The following DDX42 variants were observed in gnomAD, a reference collection of about 807,000 sequenced individuals.
DDX42 encodes ATP-dependent RNA helicase DDX42.
In DDX42, 22 loss-of-function variants were observed where a neutral mutation model predicts 101.5. The observed-to-expected ratio is 0.22, with a 90% CI of 0.15 to 0.31. DDX42 has a LOEUF of 0.31. Ranked by LOEUF, DDX42 falls within the 10% of genes least tolerant of loss-of-function variation. The pLI, the probability that DDX42 is intolerant of heterozygous loss-of-function variation, is 1.00. For missense variants in DDX42, 849 were observed against 1,199.9 expected, an observed-to-expected ratio of 0.71 and a Z score of 4.32; for synonymous variants, 402 against 401.2, an observed-to-expected ratio of 1.00 and a Z score of -0.02.
intron 1 of DDX42, among the ~76,000 whole-genome samples, chr17:63,783,754 A>C (rs750074976): frequency 6.6e-6 from 1 of 152,144 alleles, no homozygotes; most frequent in Non-Finnish European, 1.5e-5. Flanking sequence ...AGATTGATGT[A>C]GTGTAATTCA....
At chr17:63,796,299 T>C (rs1275414725) in intron 3 of DDX42, among the ~76,000 whole-genome samples, 1 of 152,206 alleles carries the variant, frequency 6.6e-6, no homozygotes, top group Non-Finnish European at 1.5e-5. Context: ...TAAATTCTTT[T>C]GCTTGGCCTT....
intron 15 of DDX42, among the ~76,000 whole-genome samples, chr17:63,814,592 C>T (rs1022904263): frequency 4.0e-5 from 6 of 151,826 alleles, no homozygotes; most frequent in African/African-American, 1.5e-4. Flanking sequence ...TTGTCCAAGC[C>T]TGCTGCCCTA....
chr17:63,807,384 G>A (rs2039855659), intron 8 of DDX42, among the ~76,000 whole-genome samples: 1 of 152,094 alleles, frequency 6.6e-6, no homozygotes, highest in African/African-American at 2.4e-5. Flanking sequence ...CAGGGAACCT[G>A]CCCACCTCGG....
chr17:63,812,993 C>A (rs770839905), intron 14 of DDX42, among the ~76,000 whole-genome samples: 1 of 152,140 alleles, frequency 6.6e-6, no homozygotes, highest in Non-Finnish European at 1.5e-5. Context: ...GCACTGCACT[C>A]CCGTCTGGCA....
chr17:63,816,938 G>T lies in DDX42; in HGVS notation c.2084G>T (p.Arg695Leu). 6.2e-7 allele frequency: 1 copy of T among 1,613,896 alleles called. No homozygotes were observed. The highest frequency in any genetic ancestry group is 8.5e-7 in the Non-Finnish European group (1 of 1,179,940). ...CCTTCCACAGGAGCTATGGGAGATC[G>T]ACTAACGGCAATGAAAGCAGCTTTC... ...YKPSTGAMGDRLTAMKAAFQS... is the reference protein window; with the variant it reads ...YKPSTGAMGDLLTAMKAAFQS... Residue 695 changes from arginine to leucine, a missense_variant, in exon 17 of 18, where the codon CGA (arginine) becomes CTA (leucine). Physicochemically the swap from Arg to Leu is moderately radical, Grantham distance 102 (BLOSUM62 -2). This residue lies in a region of DDX42 where 86 missense variants were observed against 160.8 expected (regional missense o/e 0.53). Transcript: ENST00000389924.
chr17:63,778,959 G>A (rs1038077777), intron 1 of DDX42, among the ~76,000 whole-genome samples: 2 of 147,916 alleles, frequency 1.4e-5, no homozygotes, highest in African/African-American at 2.7e-5. Flanking sequence ...ATGGAAAGGC[G>A]GGTATACGTG....
rs142666932 is a variant in DDX42 at position 63,815,609 on chromosome 17, A to G, written c.1949A>G (p.Lys650Arg). 2.5e-6 allele frequency: 4 copies of G among 1,613,922 alleles called. No homozygotes were observed. The highest frequency in any genetic ancestry group is 2.2e-5 in the East Asian group (1 of 44,886). The change falls in exon 16 of 18, where the codon AAG becomes AGG. Residue 650 changes from lysine (K) to arginine (R), a missense_variant. By Grantham distance (26) the Lys-to-Arg change is conservative (BLOSUM62 2). Coordinates refer to ENST00000389924, the MANE Select transcript of DDX42 (RefSeq NM_203499.3). ...KSRFKGGKGK[K>R]LNIGGGGLGY... is the part of the protein sequence containing the mutation. ...CGATTCAAAGGAGGGAAAGGAAAAA[A>G]GCTGAACATTGGTGGAGGAGGCCTA...
rs377527034 is a variant in DDX42, at chr17:63,808,705, G to A, written c.1024-115G>A. 1.7e-5 allele frequency: 21 copies of A among 1,267,170 alleles called. No homozygotes were observed. The African/African-American group carries it at 2.8e-4, about 17-fold the overall frequency. The allele number at this position is 1,267,170 out of a possible 1,614,324, so 78.5% of individuals were successfully genotyped here. A position where few individuals can be genotyped will look rare whatever the true frequency, so the allele number is the denominator to read the frequency against. On this transcript the variant is annotated intron_variant, in intron 9 of 17. Coordinates refer to ENST00000389924, the MANE Select transcript of DDX42 (RefSeq NM_203499.3). The stretch of plus-strand genomic sequence containing the variant: ...GAATAAAATCGTGGTTTTAAAGTAT[G>A]TTCTAGGTTTCGATTTTTTATGACA...
intron 15 of DDX42, among the ~76,000 whole-genome samples, chr17:63,815,103 T>C (rs1598344333): frequency 6.6e-6 from 1 of 152,184 alleles, no homozygotes; most frequent in Admixed American, 6.5e-5. Context: ...TTTCTGGGAG[T>C]CTGTCCCTAT....
rs2039386151 is a variant in DDX42, at chr17:63,774,258, C to T, written c.-135C>T. The T allele has an allele frequency of 6.8e-6, 2 of 292,662 alleles. No individual in the cohort carries two copies. The highest frequency in any genetic ancestry group is 1.2e-5 in the Non-Finnish European group (2 of 164,102). 18.1% of individuals were successfully genotyped at this position (292,662 alleles called of 1,614,324 possible). ...GTGGTGGTGGTGGCGGCGGCGGCGGCGAAGGGGGCGGAGAGGAAGGAGCGC... is the reference window on the plus strand; with the variant it reads ...GTGGTGGTGGTGGCGGCGGCGGCGGTGAAGGGGGCGGAGAGGAAGGAGCGC... On this transcript the variant is annotated 5_prime_UTR_variant, in exon 1 of 18. Coordinates refer to ENST00000389924, the MANE Select transcript of DDX42 (RefSeq NM_203499.3).
chr17:63,816,792 C>G, intron 16 of DDX42, 76 bp from the exon 17 acceptor site: 1 of 1,152,502 alleles, frequency 8.7e-7, no homozygotes, highest in Non-Finnish European at 1.2e-6. Flanking sequence ...CAAGGGTTTT[C>G]ATAATGAGGC....
Position 63,810,238 on chromosome 17 carries a change from C to T in DDX42, c.1253-275C>T, listed in dbSNP as rs116168732. ...GTAGTTGGGGTGATAGGCACCTACC[C>T]CACAGCCTGGCTATTTTTTTTTTTT... On this transcript the variant is annotated intron_variant, in intron 11 of 17. Coordinates refer to ENST00000389924, the MANE Select transcript of DDX42 (RefSeq NM_203499.3). 1,158 of 224,562 alleles carry T rather than the reference C, an allele frequency of 5.2e-3. 18 individuals carry two copies. Among genetic ancestry groups the T allele is most frequent in the African/African-American group, 0.024 (1,050 of 42,876 alleles). 13.9% of individuals were successfully genotyped at this position (224,562 alleles called of 1,614,324 possible).
intron 7 of DDX42, chr17:63,805,390 T>C: frequency 3.7e-6 from 2 of 544,606 alleles, no homozygotes; most frequent in South Asian, 4.9e-5. Context: ...TTTTCTTGTT[T>C]CATATTTCAG....
intron 1 of DDX42, among the ~76,000 whole-genome samples, chr17:63,786,501 T>C (rs1209102511): frequency 1.3e-5 from 2 of 152,234 alleles, no homozygotes; most frequent in South Asian, 4.1e-4. Flanking sequence ...CATAGCTCAG[T>C]GTAATCTGGA....
Position 63,815,837 on chromosome 17 carries a change from T to A in DDX42, c.2013+164T>A, listed in dbSNP as rs192395827. 3 of 394,808 alleles carry A rather than the reference T, an allele frequency of 7.6e-6. No homozygotes were observed. In the Admixed American group the frequency reaches 1.4e-4, roughly 18 times the overall value. 24.5% of individuals were successfully genotyped at this position (394,808 alleles called of 1,614,324 possible). A position where few individuals can be genotyped will look rare whatever the true frequency, so the allele number is the denominator to read the frequency against. On this transcript the variant is annotated intron_variant, in intron 16 of 17. Coordinates refer to ENST00000389924, the MANE Select transcript of DDX42 (RefSeq NM_203499.3). The stretch of plus-strand genomic sequence containing the variant: ...TGAGTCAATGCAGTGCTCATTCTTA[T>A]GGTAACTTTCTATTGAAGAAGCATC...
chr17:63,810,440 C>T (rs913956581), intron 11 of DDX42, 73 bp from the exon 12 acceptor site: 2 of 1,497,366 alleles, frequency 1.3e-6, no homozygotes, highest in Non-Finnish European at 1.8e-6. Context: ...AAGACTTTTA[C>T]TAATATGGCT....
chr17:63,796,158 C>T (rs1049823143), intron 3 of DDX42, among the ~76,000 whole-genome samples: 2 of 151,998 alleles, frequency 1.3e-5, no homozygotes, highest in African/African-American at 2.4e-5. Flanking sequence ...AATCTGGTCT[C>T]GTTATTTCTT....
Position 63,786,817 on chromosome 17 carries a change from A to G in DDX42, c.-16-217A>G, listed in dbSNP as rs906706683. ...CTCAGCCTCCCAAGTAGCTGGGACC[A>G]CAGGCATGTGCCACCACGCCCGGCC... On this transcript the variant is annotated intron_variant, in intron 1 of 17. Transcript: ENST00000389924. Among the ~76,000 whole-genome samples, 86 of 152,234 alleles carry G rather than the reference A, an allele frequency of 5.6e-4. 1 individual carries two copies. Among genetic ancestry groups the G allele is most frequent in the Non-Finnish European group, 1.1e-3 (78 of 68,044 alleles).
intron 1 of DDX42, among the ~76,000 whole-genome samples, chr17:63,785,591 A>G (rs1361286131): frequency 7.1e-6 from 1 of 141,140 alleles, no homozygotes; most frequent in African/African-American, 2.8e-5. Context: ...ACATCACAAG[A>G]CCCTGTTCCT....
Sources: gnomAD v4.1 joint callset for allele counts (sites outside exome capture counted in the v4.1 genomes callset) on GRCh38, gnomAD v4.1.1 for gene constraint, gnomAD v4.1.1 regional missense constraint, MANE v1.5 for transcripts, NCBI Gene and HGNC (gene_info 2026-07-23, HGNC 2026-07-21) for gene names.